The following KCNG2 variants were observed in gnomAD, a reference collection of about 807,000 sequenced individuals.
The protein encoded by KCNG2 is voltage-gated potassium channel regulatory subunit KCNG2.
Under a neutral mutation model 12.3 loss-of-function variants are expected in KCNG2, and 7 were observed. The observed-to-expected ratio is 0.57, with a 90% confidence interval of 0.32 to 1.07. KCNG2 has a LOEUF of 1.07. Ranked by LOEUF, KCNG2 falls within the 50% of genes least tolerant of loss-of-function variation. The probability of loss-of-function intolerance (pLI) is 0.04; values close to 1 mark genes in which losing one functional copy is unlikely to be tolerated. For missense variants in KCNG2, 703 were observed against 726.0 expected (o/e 0.97, Z 0.36); for synonymous variants, 414 against 351.4 (o/e 1.18, Z -1.99).
intron 1 of KCNG2, among the ~76,000 whole-genome samples, chr18:79,811,590 C>G (rs1357926579): frequency 1.3e-5 from 2 of 151,978 alleles, no homozygotes; most frequent in Non-Finnish European, 2.9e-5. Flanking sequence ...ACCAAGAAAA[C>G]CAGAACATAA....
intron 2 of KCNG2, among the ~76,000 whole-genome samples, chr18:79,860,609 AT>A (rs1048882613): frequency 3.3e-5 from 5 of 151,658 alleles, no homozygotes; most frequent in East Asian, 1.9e-4. Context: ...AATACAACTG[AT>A]TTTTTTTACC....
chr18:79,873,426 T>TCCCCCCCTC, intron 3 of KCNG2, among the ~76,000 whole-genome samples: 1 of 86,710 alleles, frequency 1.2e-5, no homozygotes, highest in South Asian at 4.6e-4. Flanking sequence ...CCGGCCCCCC[T>TCCCCCCCTC]CCCCCCCCCC....
At chr18:79,799,550 C>T (rs535814475) in intron 1 of KCNG2, among the ~76,000 whole-genome samples, 4 of 152,324 alleles carry the variant, frequency 2.6e-5, no homozygotes, top group Admixed American at 6.5e-5. Flanking sequence ...TTGCTGTGTC[C>T]GCATCTTCCC....
At chr18:79,856,748 C>G (rs777763737) in intron 2 of KCNG2, among the ~76,000 whole-genome samples, 4 of 152,040 alleles carry the variant, frequency 2.6e-5, no homozygotes, top group African/African-American at 9.7e-5. Flanking sequence ...TAGGCTTCTT[C>G]GACAAACTGG....
chr18:79,867,141 G>A (rs907119020), intron 3 of KCNG2, among the ~76,000 whole-genome samples: 6 of 138,130 alleles, frequency 4.3e-5, no homozygotes, highest in Non-Finnish European at 8.1e-5. Flanking sequence ...AGGTCTGTGT[G>A]CCGAGGTCTG....
In KCNG2 at chr18:79,871,576, G is replaced by A. The variant is rs376959772; in HGVS notation, c.624+7285G>A. On this transcript the variant is annotated intron_variant, in intron 3 of 3. Coordinates refer to ENST00000316249, the MANE Select transcript of KCNG2 (RefSeq NM_012283.2). ...TTGAGAATCTCGGGGGACGTCAGGC[G>A]GGGCTGACGTCTTGCGGCAGCAAGT... Among the ~76,000 whole-genome samples the A allele has an allele frequency of 4.6e-5, 7 of 152,270 alleles. No individual in the cohort carries two copies. In the East Asian group the frequency reaches 5.8e-4, roughly 13 times the overall value.
At chr18:79,863,003 C>A (rs1568260376) in intron 2 of KCNG2, among the ~76,000 whole-genome samples, 1 of 152,302 alleles carries the variant, frequency 6.6e-6, no homozygotes, top group Admixed American at 6.5e-5. Flanking sequence ...TCTTAGTGCC[C>A]CACGGTTGGT....
At chr18:79,885,181 G>T (rs374734190) in intron 3 of KCNG2, among the ~76,000 whole-genome samples, 1 of 152,164 alleles carries the variant, frequency 6.6e-6, no homozygotes, top group Admixed American at 6.5e-5. Context: ...GCCAGGGCAC[G>T]CAGGAGCCGG....
chr18:79,862,641 A>G (rs752870400), intron 2 of KCNG2, among the ~76,000 whole-genome samples: 5 of 152,160 alleles, frequency 3.3e-5, no homozygotes, highest in Non-Finnish European at 5.9e-5. Flanking sequence ...TCAGGCCTTC[A>G]TTTCCTAAAT....
intron 3 of KCNG2, among the ~76,000 whole-genome samples, chr18:79,880,088 A>C (rs559052983): frequency 6.6e-6 from 1 of 152,218 alleles, no homozygotes; most frequent in Non-Finnish European, 1.5e-5. Flanking sequence ...GGATGTAACA[A>C]TGTCTGCAGA....
chr18:79,891,147 A>C (rs1224568210), intron 3 of KCNG2, among the ~76,000 whole-genome samples: 2 of 152,108 alleles, frequency 1.3e-5, no homozygotes, highest in East Asian at 3.8e-4. Flanking sequence ...GTGGAGTGTG[A>C]GCTTATTAAT....
intron 1 of KCNG2, among the ~76,000 whole-genome samples, chr18:79,810,258 AAG>A (rs939597539): frequency 1.3e-5 from 2 of 152,160 alleles, no homozygotes; most frequent in Non-Finnish European, 2.9e-5. Flanking sequence ...AGCCTTGGAA[AAG>A]AGAGAAGAGA....
intron 1 of KCNG2, among the ~76,000 whole-genome samples, chr18:79,819,054 G>A (rs1287130849): frequency 3.9e-5 from 6 of 152,180 alleles, no homozygotes; most frequent in Non-Finnish European, 8.8e-5. Context: ...ATAGCATCAG[G>A]AGATGAAAAA....
intron 3 of KCNG2, among the ~76,000 whole-genome samples, chr18:79,888,426 G>A (rs1320770294): frequency 4.2e-5 from 6 of 142,124 alleles, no homozygotes; most frequent in Non-Finnish European, 9.5e-5. Flanking sequence ...TCATGAGGCC[G>A]CGGTGGGGCC....
chr18:79,864,454 G>A lies in KCNG2; in HGVS notation c.624+163G>A, dbSNP rs546818150. Among the ~76,000 whole-genome samples the A allele has an allele frequency of 4.7e-3, 712 of 151,846 alleles. 4 individuals are homozygous for A. Among genetic ancestry groups the A allele is most frequent in the Admixed American group, 0.01 (155 of 15,244 alleles). On this transcript the variant is annotated intron_variant, in intron 3 of 3. Transcript: ENST00000316249. ...ACTGGGGTGGGCCGGGGCCGGGCTG[G>A]AGGCGGCCGGGCTGAGGGAGCGCCG...
chr18:79,824,263 T>A (rs555847318), intron 1 of KCNG2, among the ~76,000 whole-genome samples: 1 of 152,242 alleles, frequency 6.6e-6, no homozygotes, highest in Non-Finnish European at 1.5e-5. Flanking sequence ...CCTCCCAAAG[T>A]GTGGGATTAC....
Position 79,820,805 on chromosome 18 carries a change from C to T in KCNG2, c.-115+22791C>T, listed in dbSNP as rs182418292. ...CTGGGACTCCAGGCATGCACCACCA[C>T]ACCCAGCTAATTTTTGTATTTTTTG... On this transcript the variant is annotated intron_variant, in intron 1 of 3. Transcript: ENST00000316249. Among the ~76,000 whole-genome samples the T allele has an allele frequency of 7.9e-4, 120 of 152,140 alleles. 1 individual carries two copies. The highest frequency in any genetic ancestry group is 2.5e-4 in the Non-Finnish European group (17 of 67,992).
At chr18:79,871,321 A>C (rs1031651889) in intron 3 of KCNG2, among the ~76,000 whole-genome samples, 5 of 152,336 alleles carry the variant, frequency 3.3e-5, no homozygotes, top group African/African-American at 1.2e-4. Flanking sequence ...GAACGGCCTC[A>C]TGGCAAGGAT....
At chr18:79,802,216 A>T (rs1201130910) in intron 1 of KCNG2, among the ~76,000 whole-genome samples, 3 of 152,250 alleles carry the variant, frequency 2.0e-5, no homozygotes, top group Non-Finnish European at 2.9e-5. Flanking sequence ...AAATACAGAC[A>T]GCTAAAGGGA....
Sources: allele counts gnomAD v4.1 joint callset (sites outside exome capture counted in the v4.1 genomes callset), GRCh38; gene constraint gnomAD v4.1.1; transcripts MANE v1.5; gene names NCBI Gene and HGNC (gene_info 2026-07-23, HGNC 2026-07-21).